MARCHF3: variants seen among roughly 807,000 people sequenced by gnomAD.
MARCHF3 encodes the protein E3 ubiquitin-protein ligase MARCHF3.
A neutral mutation model predicts 24.2 loss-of-function variants in MARCHF3; 13 were observed. That is an observed-to-expected ratio of 0.54 (90% confidence interval 0.35 to 0.85). The LOEUF is 0.85. MARCHF3 is among the 40% of genes least tolerant of loss of function. The pLI is 0.01. For synonymous variants in MARCHF3, 144 were observed against 137.3 expected (o/e 1.05, Z -0.34); for missense variants, 276 against 325.0 (o/e 0.85, Z 1.16).
intron 3 of MARCHF3, among the ~76,000 whole-genome samples, chr5:126,889,248 G>A (rs1753596154): frequency 6.6e-6 from 1 of 151,972 alleles, no homozygotes; most frequent in South Asian, 2.1e-4. Context: ...ATGATCATGG[G>A]ATACACTGTA....
At chr5:126,978,312 C>T (rs570370158) in intron 1 of MARCHF3, among the ~76,000 whole-genome samples, 13 of 152,228 alleles carry the variant, frequency 8.5e-5, no homozygotes, top group African/African-American at 2.2e-4. Flanking sequence ...CAGCCCCATT[C>T]GGGTCACCAA....
chr5:126,957,269 T>C (rs1365482139), intron 1 of MARCHF3, among the ~76,000 whole-genome samples: 1 of 152,224 alleles, frequency 6.6e-6, no homozygotes, highest in Admixed American at 6.5e-5. Context: ...TCCATGTATA[T>C]ATTAAAGATA....
At chr5:126,911,902 G>T (rs953200669) in intron 3 of MARCHF3, among the ~76,000 whole-genome samples, 1 of 152,090 alleles carries the variant, frequency 6.6e-6, no homozygotes, top group African/African-American at 2.4e-5. Context: ...CACATTTTTT[G>T]AACAATAACT....
chr5:126,899,291 A>G (rs1414848067), intron 3 of MARCHF3: 3 of 985,226 alleles, frequency 3.0e-6, no homozygotes, highest in Non-Finnish European at 3.6e-6. Context: ...GAGGCAAAGA[A>G]TTGAGGGAGA....
intron 3 of MARCHF3, among the ~76,000 whole-genome samples, chr5:126,895,855 G>C (rs112244043): frequency 0.07 from 10,629 of 152,214 alleles, 1,216 homozygotes; most frequent in African/African-American, 0.23. Context: ...TGGAGCTTCC[G>C]GGCTGCTTTG....
intron 4 of MARCHF3, among the ~76,000 whole-genome samples, chr5:126,876,587 A>C (rs1015805922): frequency 6.6e-6 from 1 of 152,100 alleles, no homozygotes; most frequent in Non-Finnish European, 1.5e-5. Flanking sequence ...CTCCCATCAC[A>C]ATGGAAGCTA....
intron 1 of MARCHF3, among the ~76,000 whole-genome samples, chr5:126,994,331 G>A (rs886151534): frequency 6.6e-6 from 1 of 152,212 alleles, no homozygotes; most frequent in Non-Finnish European, 1.5e-5. Flanking sequence ...CAGGTAAGTA[G>A]TGGCCAGAGG....
intron 1 of MARCHF3, among the ~76,000 whole-genome samples, chr5:127,001,236 T>TA (rs79852023): frequency 0.023 from 3,158 of 140,012 alleles, 71 homozygotes; most frequent in South Asian, 0.12. Flanking sequence ...AGACTTCGTC[T>TA]AAAAAAAAAA....
chr5:126,899,362 A>G (rs1754028950), intron 3 of MARCHF3: 6 of 939,284 alleles, frequency 6.4e-6, no homozygotes, highest in Non-Finnish European at 7.6e-6. Flanking sequence ...AATAAGGTTT[A>G]CCAATCTGAA....
intron 4 of MARCHF3, among the ~76,000 whole-genome samples, chr5:126,873,659 C>T (rs1462088315): frequency 1.3e-5 from 2 of 152,236 alleles, no homozygotes; most frequent in Non-Finnish European, 2.9e-5. Flanking sequence ...CTTAGCAGGT[C>T]TCCTGGTTCC....
intron 1 of MARCHF3, among the ~76,000 whole-genome samples, chr5:126,980,726 G>A (rs140272516): frequency 6.6e-6 from 1 of 152,240 alleles, no homozygotes; most frequent in Non-Finnish European, 1.5e-5. Flanking sequence ...TGGTTAGGTG[G>A]GCCTGTGGGC....
chr5:126,950,548 C>A (rs1415847332), intron 1 of MARCHF3, among the ~76,000 whole-genome samples: 1 of 152,108 alleles, frequency 6.6e-6, no homozygotes, highest in Non-Finnish European at 1.5e-5. Context: ...ATTGACTCTG[C>A]CTCTCCAGCT....
chr5:126,938,165 C>CTTTT (rs527628656), intron 1 of MARCHF3, among the ~76,000 whole-genome samples: 15 of 122,878 alleles, frequency 1.2e-4, no homozygotes, highest in Non-Finnish European at 1.9e-4. Flanking sequence ...TGATCTGATT[C>CTTTT]TTTTTTTTTT....
At chr5:126,896,594 G>C (rs1214888965) in intron 3 of MARCHF3, among the ~76,000 whole-genome samples, 1 of 152,036 alleles carries the variant, frequency 6.6e-6, no homozygotes, top group Non-Finnish European at 1.5e-5. Flanking sequence ...CCCAGTCTCT[G>C]TCTATATGTA....
chr5:126,926,942 A>G (rs1580651172), intron 1 of MARCHF3, among the ~76,000 whole-genome samples: 1 of 151,956 alleles, frequency 6.6e-6, no homozygotes, highest in Non-Finnish European at 1.5e-5. Flanking sequence ...CACTCAGCCC[A>G]CCCTCTTCTA....
intron 1 of MARCHF3, among the ~76,000 whole-genome samples, chr5:126,985,341 T>G (rs1044063522): frequency 2.0e-5 from 3 of 152,112 alleles, no homozygotes; most frequent in African/African-American, 7.2e-5. Flanking sequence ...AAAAGATGCA[T>G]TTTGGGAAGA....
chr5:126,891,764 C>T (rs866951366), intron 3 of MARCHF3, among the ~76,000 whole-genome samples: 11 of 143,746 alleles, frequency 7.7e-5, no homozygotes, highest in Middle Eastern at 3.6e-3. Context: ...ATTGACTTGG[C>T]GACGCGGGCT....
intron 4 of MARCHF3, among the ~76,000 whole-genome samples, chr5:126,872,323 G>A (rs1253100121): frequency 1.3e-5 from 2 of 152,122 alleles, no homozygotes; most frequent in Non-Finnish European, 2.9e-5. Flanking sequence ...GCCTCCCAAA[G>A]TGCTGGGATT....
intron 1 of MARCHF3, among the ~76,000 whole-genome samples, chr5:126,995,257 A>G (rs1217227879): frequency 6.6e-6 from 1 of 152,244 alleles, no homozygotes; most frequent in Non-Finnish European, 1.5e-5. Flanking sequence ...CAGTTTAAAA[A>G]AGCACTAATA....
Sources: gnomAD v4.1 joint callset for allele counts (sites outside exome capture counted in the v4.1 genomes callset) on GRCh38, gnomAD v4.1.1 for gene constraint, MANE v1.5 for transcripts, NCBI Gene and HGNC (gene_info 2026-07-23, HGNC 2026-07-21) for gene names.